Variants in METTL8 observed in about 807,000 individuals in gnomAD.
The protein encoded by METTL8 is methyltransferase 8, tRNA N3-cytidine.
In METTL8, 32 loss-of-function variants were observed where a neutral mutation model predicts 48.7. The observed-to-expected ratio is 0.66, with a 90% CI of 0.50 to 0.88. The LOEUF is 0.88. METTL8 is among the 40% of genes least tolerant of loss of function. METTL8 has a pLI of 0.00. For synonymous variants in METTL8, 136 were observed against 157.1 expected (o/e 0.87, Z 1.01); for missense variants, 464 against 474.4 (o/e 0.98, Z 0.20).
At chr2:171,338,193 T>C (rs1397586054) in intron 4 of METTL8, among the ~76,000 whole-genome samples, 2 of 152,094 alleles carry the variant, frequency 1.3e-5, no homozygotes, top group African/African-American at 4.8e-5. Context: ...AGTGTGAAAA[T>C]AGATAAGTAA....
chr2:171,366,714 T>C (rs1685756143), intron 2 of METTL8, among the ~76,000 whole-genome samples: 1 of 152,030 alleles, frequency 6.6e-6, no homozygotes, highest in African/African-American at 2.4e-5. Flanking sequence ...CAAACCCATA[T>C]ACACTATCTG....
chr2:171,393,074 C>T (rs10930473), intron 1 of METTL8, among the ~76,000 whole-genome samples: 44,851 of 151,654 alleles, frequency 0.3, 7,529 homozygotes, highest in East Asian at 0.64. Context: ...ATTGCACTCC[C>T]GCCTGGGCAA....
intron 2 of METTL8, among the ~76,000 whole-genome samples, chr2:171,389,763 G>A (rs1332969138): frequency 6.6e-6 from 1 of 152,092 alleles, no homozygotes; most frequent in Non-Finnish European, 1.5e-5. Context: ...TGGTTCATGA[G>A]GTTTAAGGAA....
At chr2:171,354,222 TA>T (rs1684270300) in intron 3 of METTL8, among the ~76,000 whole-genome samples, 1 of 152,202 alleles carries the variant, frequency 6.6e-6, no homozygotes, top group South Asian at 2.1e-4. Flanking sequence ...TTATGAAGCT[TA>T]GTTTGGCTGG....
In METTL8 at chr2:171,316,737, C is replaced by T. The variant is rs573198046; in HGVS notation, c.*7435G>A. ...TAAATATTAAAATAAATGAGGGCTG[C>T]GAAAGAAAAAGTATGAGCAATGAGA... On this transcript the variant is annotated 3_prime_UTR_variant, in exon 10 of 10. Coordinates refer to ENST00000375258, the MANE Select transcript of METTL8 (RefSeq NM_001321154.2). 4.6e-5 allele frequency among the ~76,000 whole-genome samples: 7 copies of T among 152,092 alleles called. No homozygotes were observed. Among genetic ancestry groups the T allele is most frequent in the Admixed American group, 3.9e-4 (6 of 15,288 alleles).
At chr2:171,332,279 C>G (rs767952795) in intron 5 of METTL8, 1 of 156,604 alleles carries the variant, frequency 6.4e-6, no homozygotes. Context: ...TTTCCACCCC[C>G]GCCCCTCAGC....
intron 2 of METTL8, among the ~76,000 whole-genome samples, chr2:171,367,323 T>C (rs1000957295): frequency 1.3e-5 from 2 of 152,090 alleles, no homozygotes; most frequent in African/African-American, 4.8e-5. Context: ...CTACAGCTGA[T>C]TTCTCATCAG....
intron 7 of METTL8, chr2:171,326,993 A>G (rs1397443113): frequency 2.0e-5 from 3 of 152,302 alleles, no homozygotes; most frequent in South Asian, 2.1e-4. Context: ...ACTGACCCCA[A>G]TTAATCTTAC....
At chr2:171,392,254 C>T (rs1394866658) in intron 1 of METTL8, 57 bp from the exon 2 acceptor site, 2 of 1,399,806 alleles carry the variant, frequency 1.4e-6, no homozygotes, top group African/African-American at 2.9e-5. Context: ...TATTGTTTAT[C>T]TAATACCCAA....
Position 171,316,384 on chromosome 2 carries a change from T to C in METTL8, c.*7788A>G, listed in dbSNP as rs1684265164. 6.6e-6 allele frequency among the ~76,000 whole-genome samples: 1 copy of C among 152,184 alleles called. No homozygotes were observed. Among genetic ancestry groups the C allele is most frequent in the South Asian group, 2.1e-4 (1 of 4,832 alleles). On this transcript the variant is annotated 3_prime_UTR_variant, in exon 10 of 10. Coordinates refer to ENST00000375258, the MANE Select transcript of METTL8 (RefSeq NM_001321154.2). ...CTGGATCCATGGTTTTTTCCTAAAG[T>C]AAACAAAAGATCTGCAAAAGTATTT...
At chr2:171,378,643 TA>T (rs923828255) in intron 2 of METTL8, among the ~76,000 whole-genome samples, 8 of 150,552 alleles carry the variant, frequency 5.3e-5, no homozygotes, top group African/African-American at 2.0e-4. Context: ...AAAATAAAAA[TA>T]AAAAAATAAA....
At chr2:171,352,576 C>T (rs559006061) in intron 3 of METTL8, among the ~76,000 whole-genome samples, 26 of 152,160 alleles carry the variant, frequency 1.7e-4, no homozygotes, top group South Asian at 1.5e-3. Context: ...TGGTAGAATT[C>T]GGCTGTGAAT....
At chr2:171,426,106 G>A (rs1692390818) in intron 1 of METTL8, among the ~76,000 whole-genome samples, 1 of 152,156 alleles carries the variant, frequency 6.6e-6, no homozygotes, top group South Asian at 2.1e-4. Flanking sequence ...GCAGTGAGCT[G>A]AGATTGAGCC....
At chr2:171,419,281 G>C (rs780593358) in intron 1 of METTL8, among the ~76,000 whole-genome samples, 1 of 152,090 alleles carries the variant, frequency 6.6e-6, no homozygotes, top group Non-Finnish European at 1.5e-5. Flanking sequence ...GGAAATATAG[G>C]TGTGCATAAT....
chr2:171,405,719 T>G (rs192274116), intron 1 of METTL8, among the ~76,000 whole-genome samples: 121 of 152,264 alleles, frequency 7.9e-4, no homozygotes, highest in African/African-American at 2.8e-3. Context: ...AAACAAGTTT[T>G]GAGAATAAGT....
intron 3 of METTL8, among the ~76,000 whole-genome samples, chr2:171,351,564 T>C (rs1190421680): frequency 1.3e-5 from 2 of 152,242 alleles, no homozygotes; most frequent in Admixed American, 6.5e-5. Context: ...AGTATGGCCA[T>C]TTTCATGCTA....
chr2:171,329,598 G>A (rs1685315953), intron 7 of METTL8, among the ~76,000 whole-genome samples: 1 of 152,196 alleles, frequency 6.6e-6, no homozygotes, highest in South Asian at 2.1e-4. Context: ...ACCTCACTAG[G>A]TGCTAAAGTA....
intron 6 of METTL8, 78 bp from the exon 7 acceptor site, chr2:171,330,776 T>A: frequency 1.6e-6 from 2 of 1,250,738 alleles, no homozygotes; most frequent in Non-Finnish European, 2.2e-6. Flanking sequence ...AATAAAAAGG[T>A]CAAATTTTTA....
intron 2 of METTL8, among the ~76,000 whole-genome samples, chr2:171,365,628 T>C (rs1685639089): frequency 6.6e-6 from 1 of 152,202 alleles, no homozygotes; most frequent in African/African-American, 2.4e-5. Context: ...CAAAGTCATA[T>C]TTATTACATA....
Sources: gnomAD v4.1 joint callset for allele counts (sites outside exome capture counted in the v4.1 genomes callset) on GRCh38, gnomAD v4.1.1 for gene constraint, MANE v1.5 for transcripts, NCBI Gene and HGNC (gene_info 2026-07-23, HGNC 2026-07-21) for gene names.